G6PC1: variants seen among roughly 807,000 people sequenced by gnomAD.
G6PC1 encodes the protein G-6-Pase.
In G6PC1, 23 loss-of-function variants were observed where a neutral mutation model predicts 30.4. The observed-to-expected ratio is 0.76, with a 90% confidence interval of 0.55 to 1.07. G6PC1 has a LOEUF of 1.07. Among genes scored for constraint, G6PC1 ranks in the 50% least tolerant of loss-of-function variants. The probability of loss-of-function intolerance (pLI) is 0.00; values close to 1 mark genes in which losing one functional copy is unlikely to be tolerated. For missense variants in G6PC1, 391 were observed against 433.9 expected (o/e 0.90, Z 0.88); for synonymous variants, 163 against 175.6 (o/e 0.93, Z 0.57).
chr17:42,909,899 G>A (rs560894033), intron 4 of G6PC1, among the ~76,000 whole-genome samples: 2 of 145,684 alleles, frequency 1.4e-5, no homozygotes, highest in Non-Finnish European at 1.5e-5. Flanking sequence ...GTCTCGCTCT[G>A]TGACCCAGGC....
rs769527058 is a variant in G6PC1 at position 42,911,158 on chromosome 17, T to C, written c.806T>C (p.Phe269Ser). 2 of 1,614,132 alleles carry C rather than the reference T, an allele frequency of 1.2e-6. No individual in the cohort carries two copies. Among genetic ancestry groups the C allele is most frequent in the African/African-American group, 1.3e-5 (1 of 75,024 alleles). Residue 269 changes from phenylalanine to serine, a missense_variant, in exon 5 of 5, where the codon TTT becomes TCT. Physicochemically the swap from Phe to Ser is radical, Grantham distance 155. Coordinates refer to ENST00000253801, the MANE Select transcript of G6PC1 (RefSeq NM_000151.4). Reference sequence around the variant, plus strand: ...CTCCTCAAGAACCTGGGCACGCTCTTTGGCCTGGGGCTGGCTCTCAACTCC... The same window carrying C: ...CTCCTCAAGAACCTGGGCACGCTCTCTGGCCTGGGGCTGGCTCTCAACTCC... ...ASLLKNLGTL[F>S]GLGLALNSSM...
intron 3 of G6PC1, among the ~76,000 whole-genome samples, chr17:42,908,450 AG>A (rs892576130): frequency 7.0e-6 from 1 of 143,476 alleles, no homozygotes; most frequent in African/African-American, 2.6e-5. Context: ...TCTGTTGCCC[AG>A]GCTGGAGTGC....
intron 1 of G6PC1, among the ~76,000 whole-genome samples, chr17:42,902,945 C>T (rs1567703384): frequency 6.6e-6 from 1 of 151,948 alleles, no homozygotes; most frequent in African/African-American, 2.4e-5. Context: ...TGCAAGATTC[C>T]CTGAGGCCTG....
At position 42,911,596 on chromosome 17, in the gene G6PC1, ATG is replaced by A. The variant is rs1280424998; in HGVS notation, c.*175_*176del. The stretch of plus-strand genomic sequence containing the variant: ...TTGGAGGGTCGCCTGGCTTATTCCC[ATG>A]TGTGACTCCAGCCTGCCCTCAGCAC... On this transcript the variant is annotated 3_prime_UTR_variant, in exon 5 of 5. Coordinates refer to ENST00000253801, the MANE Select transcript of G6PC1 (RefSeq NM_000151.4). 3 of 927,554 alleles carry A rather than the reference ATG, an allele frequency of 3.2e-6. No homozygotes were observed. In the African/African-American group the frequency reaches 4.9e-5, roughly 15 times the overall value. 57.5% of individuals were successfully genotyped at this position (927,554 alleles called of 1,614,324 possible).
chr17:42,907,441 G>A, intron 2 of G6PC1, 82 bp from the exon 3 acceptor site: 1 of 885,866 alleles, frequency 1.1e-6, no homozygotes, highest in Non-Finnish European at 1.9e-6. Flanking sequence ...TAGGGGGATG[G>A]CTGGGTGGCT....
Position 42,911,707 on chromosome 17 carries a change from C to G in G6PC1, c.*281C>G. 1 of 497,042 alleles carries G rather than the reference C, an allele frequency of 2.0e-6. No homozygotes were observed. The highest frequency in any genetic ancestry group is 3.7e-6 in the Non-Finnish European group (1 of 271,820). 30.8% of individuals were successfully genotyped at this position (497,042 alleles called of 1,614,324 possible). On this transcript the variant is annotated 3_prime_UTR_variant, in exon 5 of 5. Coordinates refer to ENST00000253801, the MANE Select transcript of G6PC1 (RefSeq NM_000151.4). ...AGGTCCTCCTCTCTCTACTTGAATACTCTCACAAGTAGGGAGCTCACTCCC... is the reference window on the plus strand; with the variant it reads ...AGGTCCTCCTCTCTCTACTTGAATAGTCTCACAAGTAGGGAGCTCACTCCC...
At chr17:42,909,644 C>T (rs185812390) in intron 4 of G6PC1, among the ~76,000 whole-genome samples, 55 of 152,266 alleles carry the variant, frequency 3.6e-4, no homozygotes, top group Non-Finnish European at 7.2e-4. Context: ...ATCAAATTAA[C>T]GCACCAAATT....
intron 3 of G6PC1, among the ~76,000 whole-genome samples, chr17:42,908,460 G>A (rs2056075186): frequency 6.7e-6 from 1 of 150,328 alleles, no homozygotes; most frequent in Non-Finnish European, 1.5e-5. Context: ...AGGCTGGAGT[G>A]CAGTGGCGCC....
rs983602613 is a variant in G6PC1, at chr17:42,912,469, G to A, written c.*1043G>A. 29 of 152,412 alleles carry A rather than the reference G, an allele frequency of 1.9e-4. No homozygotes were observed. The highest frequency in any genetic ancestry group is 6.5e-4 in the African/African-American group (27 of 41,420). The allele number at this position is 152,412 out of a possible 1,614,324, so 9.4% of individuals were successfully genotyped here. A position where few individuals can be genotyped will look rare whatever the true frequency, so the allele number is the denominator to read the frequency against. On this transcript the variant is annotated 3_prime_UTR_variant, in exon 5 of 5. Coordinates refer to ENST00000253801, the MANE Select transcript of G6PC1 (RefSeq NM_000151.4). ...GGCGACTCTGGTGGTGCTTTTGTAT[G>A]TTTCAATTAGGCTCTGAAATCTTGG...
chr17:42,910,747 A>G (rs1343795599), intron 4 of G6PC1, among the ~76,000 whole-genome samples, 168 bp from the exon 5 acceptor site: 1 of 152,194 alleles, frequency 6.6e-6, no homozygotes, highest in Non-Finnish European at 1.5e-5. Flanking sequence ...TATTGAGGGC[A>G]GGCTGGAGTC....
Position 42,903,934 on chromosome 17 carries a change from T to C in G6PC1, c.234T>C (p.Ile78=). ...AACTTGTTCTGTTTTTCCATAGGAT[T>C]CTCTTTGGACAGCGTCCATACTGGT... is the stretch of plus-strand genomic sequence containing the variant. ...GDWLNLVFKW[I]LFGQRPYWWV... The change falls in exon 2 of 5, where the codon ATT becomes ATC. Residue 78 remains isoleucine (I), a synonymous_variant. Coordinates refer to ENST00000253801, the MANE Select transcript of G6PC1 (RefSeq NM_000151.4). 6.2e-7 allele frequency: 1 copy of C among 1,606,544 alleles called. No homozygotes were observed. Among genetic ancestry groups the C allele is most frequent in the Admixed American group, 1.7e-5 (1 of 59,984 alleles).
intron 1 of G6PC1, among the ~76,000 whole-genome samples, chr17:42,902,860 T>C (rs2056035165): frequency 6.6e-6 from 1 of 152,142 alleles, no homozygotes; most frequent in South Asian, 2.1e-4. Flanking sequence ...GCAATTCTGA[T>C]GGAAATGCAG....
chr17:42,911,563 ATGGCAGATTGGAGGGTCGCC>A lies in G6PC1; in HGVS notation c.*142_*161del, dbSNP rs2056097029. The A allele has an allele frequency of 5.2e-6, 7 of 1,354,322 alleles. No homozygotes were observed. The highest frequency in any genetic ancestry group is 7.2e-6 in the Non-Finnish European group (7 of 971,270). The allele number at this position is 1,354,322 out of a possible 1,614,324, so 83.9% of individuals were successfully genotyped here. On this transcript the variant is annotated 3_prime_UTR_variant, in exon 5 of 5. Transcript: ENST00000253801. The stretch of plus-strand genomic sequence containing the variant: ...CTGCCGTCGTGGAATTAAATCACGG[ATGGCAGATTGGAGGGTCGCC>A]TGGCTTATTCCCATGTGTGACTCCA...
chr17:42,908,062 G>C (rs1021523400), intron 3 of G6PC1, among the ~76,000 whole-genome samples: 1 of 152,140 alleles, frequency 6.6e-6, no homozygotes, highest in Non-Finnish European at 1.5e-5. Context: ...ATGCAGTCTC[G>C]CTCTGTCATC....
chr17:42,913,181 G>A lies in G6PC1; in HGVS notation c.*1755G>A, dbSNP rs1482952840. ...CACCTACCCCCCAAAAAAAGCTGAA[G>A]CCTATTTATTTGAAAGTCCTTGTTT... On this transcript the variant is annotated 3_prime_UTR_variant, in exon 5 of 5. Coordinates refer to ENST00000253801, the MANE Select transcript of G6PC1 (RefSeq NM_000151.4). 1 of 151,882 alleles carries A rather than the reference G, an allele frequency of 6.6e-6. No homozygotes were observed. The highest frequency in any genetic ancestry group is 1.5e-5 in the Non-Finnish European group (1 of 67,990). The allele number at this position is 151,882 out of a possible 1,614,324, so 9.4% of individuals were successfully genotyped here. A position where few individuals can be genotyped will look rare whatever the true frequency, so the allele number is the denominator to read the frequency against.
intron 4 of G6PC1, among the ~76,000 whole-genome samples, chr17:42,910,481 C>A (rs912853533): frequency 7.9e-5 from 12 of 152,126 alleles, no homozygotes; most frequent in African/African-American, 2.9e-4. Context: ...GACAGAGGGA[C>A]TAGATTCATC....
chr17:42,907,714 TC>T lies in G6PC1; in HGVS notation c.446+91del, dbSNP rs1238098724. The stretch of plus-strand genomic sequence containing the variant: ...GACACACCACGTATTCTTCCTCACA[TC>T]CCCCTAGCCCGCTCCCACACCTGGG... On this transcript the variant is annotated intron_variant, in intron 3 of 4. Transcript: ENST00000253801. 1.1e-5 allele frequency: 10 copies of T among 924,306 alleles called. No homozygotes were observed. In the African/African-American group the frequency reaches 1.5e-4, roughly 14 times the overall value. 57.3% of individuals were successfully genotyped at this position (924,306 alleles called of 1,614,324 possible).
chr17:42,907,480 A>T (rs1211808193), intron 2 of G6PC1, 43 bp from the exon 3 acceptor site: 2 of 1,379,012 alleles, frequency 1.5e-6, no homozygotes, highest in East Asian at 4.6e-5. Flanking sequence ...CTCCCAGATG[A>T]GGACCTTTTC....
intron 2 of G6PC1, among the ~76,000 whole-genome samples, chr17:42,905,415 G>GAAAA (rs1241281428): frequency 1.0e-4 from 5 of 48,928 alleles, no homozygotes; most frequent in African/African-American, 4.4e-4. Context: ...GACACCATCT[G>GAAAA]AAAAAAAAAA....
Sources: allele counts gnomAD v4.1 joint callset (sites outside exome capture counted in the v4.1 genomes callset), GRCh38; gene constraint gnomAD v4.1.1; transcripts MANE v1.5; gene names NCBI Gene and HGNC (gene_info 2026-07-23, HGNC 2026-07-21).